The following CYP7B1 variants were observed in gnomAD, a reference collection of about 807,000 sequenced individuals.
The protein encoded by CYP7B1 is cytochrome P450 family 7 subfamily B member 1.
In CYP7B1, 29 loss-of-function variants were observed where a neutral mutation model predicts 42.7. That is an observed-to-expected ratio of 0.68 (90% CI 0.51 to 0.93). The LOEUF (loss-of-function observed/expected upper bound fraction) is 0.93, where lower values mean the gene tolerates loss of function less well. Among genes scored for constraint, CYP7B1 ranks in the 40% least tolerant of loss-of-function variants. The pLI, the probability that CYP7B1 is intolerant of heterozygous loss-of-function variation, is 0.00. For missense variants in CYP7B1, 655 were observed against 600.5 expected, an observed-to-expected ratio of 1.09 and a Z score of -0.95; for synonymous variants, 235 against 218.2, an observed-to-expected ratio of 1.08 and a Z score of -0.68.
intron 1 of CYP7B1, among the ~76,000 whole-genome samples, chr8:64,723,285 G>A (rs1807273121): frequency 6.6e-6 from 1 of 152,154 alleles, no homozygotes; most frequent in African/African-American, 2.4e-5. Flanking sequence ...AAAATCAGTA[G>A]CAGTCAATGT....
Position 64,741,147 on chromosome 8 carries a change from C to T in CYP7B1, c.122+57319G>A, listed in dbSNP as rs188499124. Among the ~76,000 whole-genome samples the T allele has an allele frequency of 4.1e-3, 620 of 151,394 alleles. 5 individuals are homozygous for T. The highest frequency in any genetic ancestry group is 0.014 in the African/African-American group (585 of 41,076). On this transcript the variant is annotated intron_variant, in intron 1 of 5. Transcript: ENST00000310193. ...AAGTTAGAGATTAAGGAAAGAATGT[C>T]CCCTTCACTACTCCCATACAACACC... is the stretch of plus-strand genomic sequence containing the variant.
At chr8:64,644,673 A>G (rs947273862) in intron 1 of CYP7B1, among the ~76,000 whole-genome samples, 1 of 152,172 alleles carries the variant, frequency 6.6e-6, no homozygotes, top group African/African-American at 2.4e-5. Context: ...TGAACTTAAA[A>G]TATTCAGTAA....
rs1041344154 is a variant in CYP7B1, at chr8:64,624,340, A to G, written c.259+63T>C. The G allele has an allele frequency of 1.1e-5, 17 of 1,496,436 alleles. No homozygotes were observed. In the East Asian group the frequency reaches 2.0e-4, roughly 18 times the overall value. 92.7% of individuals were successfully genotyped at this position (1,496,436 alleles called of 1,614,324 possible). A position where few individuals can be genotyped will look rare whatever the true frequency, so the allele number is the denominator to read the frequency against. On this transcript the variant is annotated intron_variant, in intron 2 of 5. Transcript: ENST00000310193. ...ACATTTTGCCTAGAGAAAAACAGAA[A>G]GACATTAAAGAACAAGTGAAAAATG...
chr8:64,645,119 C>T (rs1805929801), intron 1 of CYP7B1, among the ~76,000 whole-genome samples: 1 of 151,040 alleles, frequency 6.6e-6, no homozygotes, highest in South Asian at 2.1e-4. Context: ...CATAGTATTC[C>T]ATGGTGTATA....
At chr8:64,586,609 A>G (rs78327403), downstream of CYP7B1, among the ~76,000 whole-genome samples, 29 of 152,308 alleles carry the variant, frequency 1.9e-4, no homozygotes, top group East Asian at 5.6e-3. Flanking sequence ...CTTTAATGAA[A>G]ACGTGATTCA....
rs554489152 is a variant in CYP7B1 at position 64,743,942 on chromosome 8, T to C, written c.122+54524A>G. Among the ~76,000 whole-genome samples, 3 of 152,340 alleles carry C rather than the reference T, an allele frequency of 2.0e-5. No individual in the cohort carries two copies. In the South Asian group the frequency reaches 6.2e-4, roughly 32 times the overall value. On this transcript the variant is annotated intron_variant, in intron 1 of 5. Transcript: ENST00000310193. Reference sequence around the variant, plus strand: ...ATAAAGTGTTATGAGCATTCTTAATTATTCTTTGGTGGCTCACATGTCATT... The same window carrying C: ...ATAAAGTGTTATGAGCATTCTTAATCATTCTTTGGTGGCTCACATGTCATT...
At position 64,604,753 on chromosome 8, in the gene CYP7B1, G is replaced by C; in HGVS notation, c.1162C>G (p.Arg388Gly). ...AAGATGGCTACCAAGTCTCCCTTTC[G>C]CACACAGTAGTCCCCGGTCTCTGAA... is the stretch of plus-strand genomic sequence containing the variant. Reference protein sequence around the residue: ...LSSETGDYCVRKGDLVAIFPP... With the variant: ...LSSETGDYCVGKGDLVAIFPP... The change falls in exon 5 of 6, where the codon CGA becomes GGA. Residue 388 changes from arginine to glycine, a missense_variant. By Grantham distance (125) the Arg-to-Gly change is moderately radical. Coordinates refer to ENST00000310193, the MANE Select transcript of CYP7B1 (RefSeq NM_004820.5). 1 of 1,614,076 alleles carries C rather than the reference G, an allele frequency of 6.2e-7. No individual in the cohort carries two copies. The highest frequency in any genetic ancestry group is 1.1e-5 in the South Asian group (1 of 91,074).
intron 1 of CYP7B1, among the ~76,000 whole-genome samples, chr8:64,748,417 T>G (rs1338271112): frequency 1.3e-5 from 2 of 152,220 alleles, no homozygotes; most frequent in African/African-American, 4.8e-5. Context: ...TCAAATCCAG[T>G]AAGTACTTCT....
At chr8:64,624,120 A>G (rs12164145) in intron 2 of CYP7B1, among the ~76,000 whole-genome samples, 1 of 151,278 alleles carries the variant, frequency 6.6e-6, no homozygotes, top group Non-Finnish European at 1.5e-5. Flanking sequence ...ATATATATAT[A>G]TTTTTTTTTC....
intron 1 of CYP7B1, among the ~76,000 whole-genome samples, chr8:64,627,227 G>C (rs1001557977): frequency 6.6e-6 from 1 of 152,144 alleles, no homozygotes; most frequent in African/African-American, 2.4e-5. Context: ...TTGAATGCAG[G>C]CTTTAGCAAT....
chr8:64,769,713 T>C (rs1440970535), intron 1 of CYP7B1, among the ~76,000 whole-genome samples: 1 of 152,198 alleles, frequency 6.6e-6, no homozygotes, highest in Non-Finnish European at 1.5e-5. Context: ...TTTCCTTTTG[T>C]TCTTCCAAGG....
intron 1 of CYP7B1, among the ~76,000 whole-genome samples, chr8:64,730,411 T>A (rs184926960): frequency 1.8e-4 from 28 of 152,150 alleles, no homozygotes; most frequent in African/African-American, 6.5e-4. Context: ...TCAATTTTTG[T>A]AAAATATCCC....
At chr8:64,696,763 C>T (rs1276395562) in intron 1 of CYP7B1, among the ~76,000 whole-genome samples, 2 of 152,044 alleles carry the variant, frequency 1.3e-5, no homozygotes, top group African/African-American at 2.4e-5. Flanking sequence ...TATTTAAGCA[C>T]TTTCTGAAGC....
chr8:64,671,773 A>G (rs1806371141), intron 1 of CYP7B1, among the ~76,000 whole-genome samples: 1 of 152,036 alleles, frequency 6.6e-6, no homozygotes, highest in African/African-American at 2.4e-5. Flanking sequence ...TATATCTCCT[A>G]CTGGTTCTGT....
chr8:64,637,006 T>A (rs554623195), intron 1 of CYP7B1, among the ~76,000 whole-genome samples: 7 of 152,220 alleles, frequency 4.6e-5, no homozygotes, highest in African/African-American at 1.4e-4. Context: ...GATTTTGAAA[T>A]GTTTAATAAA....
In CYP7B1 at chr8:64,596,877, A is replaced by G. The variant is rs1273874215; in HGVS notation, c.1286T>C (p.Phe429Ser). Residue 429 changes from phenylalanine to serine, a missense_variant, in exon 6 of 6, where the codon TTC (phenylalanine) becomes TCC (serine). Coordinates refer to ENST00000310193, the MANE Select transcript of CYP7B1 (RefSeq NM_004820.5). ...IEDGKKKTTF[F>S]KRGKKLKCYL... The stretch of plus-strand genomic sequence containing the variant: ...ACACTTCAGCTTTTTCCCTCTTTTG[A>G]AAAAGGTGGTTTTCTTCTTACCATC... 1 of 1,613,682 alleles carries G rather than the reference A, an allele frequency of 6.2e-7. No homozygotes were observed. Among genetic ancestry groups the G allele is most frequent in the Non-Finnish European group, 8.5e-7 (1 of 1,179,794 alleles).
Position 64,615,968 on chromosome 8 carries a change from G to A in CYP7B1, c.573C>T (p.Ile191=), listed in dbSNP as rs1245820259. Reference sequence around the variant, plus strand: ...CTTTTCCATATATAGTTGTAAATGTGATCTCAAATATTATTGAGCTGCAGA... The same window carrying A: ...CTTTTCCATATATAGTTGTAAATGTAATCTCAAATATTATTGAGCTGCAGA... The part of the protein sequence containing the change: ...YPFCSSIIFE[I]TFTTIYGKVI... Residue 191 remains isoleucine, a synonymous_variant, in exon 3 of 6, where the codon ATC becomes ATT. Coordinates refer to ENST00000310193, the MANE Select transcript of CYP7B1 (RefSeq NM_004820.5). The A allele has an allele frequency of 8.1e-6, 13 of 1,613,648 alleles. No homozygotes were observed. The highest frequency in any genetic ancestry group is 6.7e-5 in the East Asian group (3 of 44,862).
At chr8:64,734,899 T>G (rs1807464873) in intron 1 of CYP7B1, among the ~76,000 whole-genome samples, 1 of 152,166 alleles carries the variant, frequency 6.6e-6, no homozygotes, top group Non-Finnish European at 1.5e-5. Flanking sequence ...ACTCATTTGG[T>G]TTTTACCAAG....
At chr8:64,649,914 T>C (rs1020138259) in intron 1 of CYP7B1, among the ~76,000 whole-genome samples, 1 of 151,848 alleles carries the variant, frequency 6.6e-6, no homozygotes, top group African/African-American at 2.4e-5. Context: ...GTTATTTATA[T>C]ATTGTTTTTG....
Sources: gnomAD v4.1 joint callset for allele counts (sites outside exome capture counted in the v4.1 genomes callset) on GRCh38, gnomAD v4.1.1 for gene constraint, MANE v1.5 for transcripts, NCBI Gene and HGNC (gene_info 2026-07-23, HGNC 2026-07-21) for gene names.